NUP210: variants seen among roughly 807,000 people sequenced by gnomAD.
The protein encoded by NUP210 is nucleoporin 210.
Under a neutral mutation model 196.0 loss-of-function variants are expected in NUP210, and 151 were observed. The ratio of observed to expected loss-of-function variants is 0.77; its 90% CI spans 0.67 to 0.88. The LOEUF (loss-of-function observed/expected upper bound fraction) is 0.88, where lower values mean the gene tolerates loss of function less well. Ranked by LOEUF, NUP210 falls within the 40% of genes least tolerant of loss-of-function variation. The pLI is 0.00. For synonymous variants in NUP210, 1,070 were observed against 1,052.7 expected (o/e 1.02, Z -0.32); for missense variants, 2,314 against 2,493.7 (o/e 0.93, Z 1.53).
At chr3:13,362,281 C>G (rs1340402676) in intron 14 of NUP210, among the ~76,000 whole-genome samples, 1 of 152,214 alleles carries the variant, frequency 6.6e-6, no homozygotes, top group Non-Finnish European at 1.5e-5. Context: ...TTTATAAGGG[C>G]ACTAATCCCA....
intron 37 of NUP210, 47 bp downstream of exon 37, chr3:13,319,716 C>T (rs760148754): frequency 1.4e-5 from 22 of 1,544,182 alleles, no homozygotes; most frequent in South Asian, 2.3e-5. Context: ...TCCTGCCTGT[C>T]CCTCCCCATC....
chr3:13,413,695 A>T (rs902956842), intron 1 of NUP210, among the ~76,000 whole-genome samples: 19 of 152,116 alleles, frequency 1.2e-4, no homozygotes, highest in African/African-American at 4.6e-4. Context: ...AGCAGGAGAA[A>T]ATAGGGAGTT....
At chr3:13,318,376 C>T (rs965221993) in intron 39 of NUP210, among the ~76,000 whole-genome samples, 1 of 152,092 alleles carries the variant, frequency 6.6e-6, no homozygotes, top group Non-Finnish European at 1.5e-5. Flanking sequence ...CTCTCCTTAC[C>T]CAGGAAAGTG....
chr3:13,322,111 G>A, intron 35 of NUP210, 82 bp downstream of exon 35: 1 of 1,508,884 alleles, frequency 6.6e-7, no homozygotes, highest in South Asian at 1.2e-5. Context: ...GCCATGGTGA[G>A]CTGGGCACGT....
chr3:13,393,230 G>A (rs1055564363), intron 3 of NUP210, among the ~76,000 whole-genome samples: 69 of 152,298 alleles, frequency 4.5e-4, no homozygotes, highest in Admixed American at 4.2e-3. Context: ...TGTTCACAAC[G>A]GTCCGCTTAT....
intron 13 of NUP210, among the ~76,000 whole-genome samples, chr3:13,368,034 T>C (rs1369897590): frequency 6.6e-6 from 1 of 152,208 alleles, no homozygotes; most frequent in African/African-American, 2.4e-5. Flanking sequence ...TTTACACTGC[T>C]GCCAACGGCT....
intron 18 of NUP210, among the ~76,000 whole-genome samples, chr3:13,353,299 A>AC (rs1482366214): frequency 6.6e-6 from 1 of 151,812 alleles, no homozygotes; most frequent in South Asian, 2.1e-4. Flanking sequence ...TTGTGGCTGT[A>AC]CCCCCCATGA....
intron 3 of NUP210, among the ~76,000 whole-genome samples, chr3:13,394,738 C>T (rs1330879110): frequency 6.6e-6 from 1 of 152,210 alleles, no homozygotes; most frequent in Non-Finnish European, 1.5e-5. Flanking sequence ...AGCCAGGGTG[C>T]CACTGTTCGT....
At chr3:13,381,424 T>C (rs1377369993) in intron 6 of NUP210, among the ~76,000 whole-genome samples, 1 of 150,368 alleles carries the variant, frequency 6.7e-6, no homozygotes, top group Non-Finnish European at 1.5e-5. Flanking sequence ...TCTTTTCTTT[T>C]TTTTTTTTTT....
chr3:13,353,432 G>T (rs2280086), intron 18 of NUP210, 122 bp downstream of exon 18: 18,202 of 774,092 alleles, frequency 0.024, 1,051 homozygotes, highest in East Asian at 0.21. Flanking sequence ...AGGCTGGGGT[G>T]GGGGAGTGGT....
intron 1 of NUP210, among the ~76,000 whole-genome samples, chr3:13,418,669 T>A (rs1022731467): frequency 6.6e-6 from 1 of 151,840 alleles, no homozygotes; most frequent in East Asian, 1.9e-4. Context: ...GCGCCTGTAA[T>A]CCCAGCTACT....
In NUP210 at chr3:13,323,190, T is replaced by C; in HGVS notation, c.4768+119A>G. 7.8e-7 allele frequency: 1 copy of C among 1,282,774 alleles called. No homozygotes were observed. The highest frequency in any genetic ancestry group is 1.1e-6 in the Non-Finnish European group (1 of 922,652). 79.5% of individuals were successfully genotyped at this position (1,282,774 alleles called of 1,614,324 possible). A position where few individuals can be genotyped will look rare whatever the true frequency, so the allele number is the denominator to read the frequency against. The stretch of plus-strand genomic sequence containing the variant: ...GTGGATGAGTGGGGGCTAAATGCCC[T>C]CTCTGGAGTTGGTGTGAGTGTGAAT... On this transcript the variant is annotated intron_variant, in intron 34 of 39. Transcript: ENST00000254508. The surrounding 1 kb of genome is among the most constrained non-coding windows in gnomAD (Gnocchi z 4.3).
At chr3:13,355,362 C>T (rs1698133196) in intron 16 of NUP210, among the ~76,000 whole-genome samples, 1 of 152,230 alleles carries the variant, frequency 6.6e-6, no homozygotes, top group Non-Finnish European at 1.5e-5. Context: ...CTGCCACATT[C>T]CCTTTCTCTC....
chr3:13,377,437 G>T lies in NUP210; in HGVS notation c.1152+19C>A. The T allele has an allele frequency of 6.4e-7, 1 of 1,568,040 alleles. No individual in the cohort carries two copies. The highest frequency in any genetic ancestry group is 1.1e-5 in the South Asian group (1 of 89,906). On this transcript the variant is annotated intron_variant, in intron 9 of 39. Transcript: ENST00000254508. ...GACCCCACCTCATCCCCCCAGCCAG[G>T]ACCTGAACAGGCACTCACGTCAGAT...
chr3:13,341,769 G>C lies in NUP210; in HGVS notation c.3207C>G (p.Asn1069Lys). 6.2e-7 allele frequency: 1 copy of C among 1,614,256 alleles called. No individual in the cohort carries two copies. The highest frequency in any genetic ancestry group is 8.5e-7 in the Non-Finnish European group (1 of 1,180,048). ...SVTNKAGQRINSAPQQIEVFP... is the reference protein window; with the variant it reads ...SVTNKAGQRIKSAPQQIEVFP... ...TTACTTCAATCTGTTGTGGGGCTGAGTTGATTCTCTGTCCAGCTTTATTGG... is the reference window on the plus strand; with the variant it reads ...TTACTTCAATCTGTTGTGGGGCTGACTTGATTCTCTGTCCAGCTTTATTGG... The change falls in exon 23 of 40, where the codon AAC (asparagine) becomes AAG (lysine). Residue 1069 changes from asparagine to lysine, a missense_variant. Coordinates refer to ENST00000254508, the MANE Select transcript of NUP210 (RefSeq NM_024923.4).
At chr3:13,415,258 C>T (rs1260942466) in intron 1 of NUP210, among the ~76,000 whole-genome samples, 1 of 152,210 alleles carries the variant, frequency 6.6e-6, no homozygotes, top group Non-Finnish European at 1.5e-5. Context: ...ACATTTGTCA[C>T]CTCTTATTCA....
intron 11 of NUP210, among the ~76,000 whole-genome samples, chr3:13,375,159 C>A (rs1316780499): frequency 5.6e-5 from 6 of 106,704 alleles, no homozygotes; most frequent in Non-Finnish European, 1.0e-4. Flanking sequence ...TTTTTTTTTC[C>A]TTTTTTTGAG....
intron 33 of NUP210, among the ~76,000 whole-genome samples, chr3:13,325,038 C>G (rs1412269843): frequency 1.3e-5 from 2 of 152,166 alleles, no homozygotes; most frequent in Non-Finnish European, 2.9e-5. Context: ...TGTAGATGCC[C>G]CACCCTCAAC....
At chr3:13,343,387 G>T in intron 20 of NUP210, 84 bp from the exon 21 acceptor site, 1 of 1,506,130 alleles carries the variant, frequency 6.6e-7, no homozygotes, top group South Asian at 1.3e-5. Flanking sequence ...TGTGAGCAGT[G>T]CCTCGCCCTC....
Sources: allele counts gnomAD v4.1 joint callset (sites outside exome capture counted in the v4.1 genomes callset), GRCh38; gene constraint gnomAD v4.1.1; non-coding constraint Gnocchi (gnomAD v3.1); transcripts MANE v1.5; gene names NCBI Gene and HGNC (gene_info 2026-07-23, HGNC 2026-07-21).